PRKCB: variants seen among roughly 807,000 people sequenced by gnomAD.
PRKCB encodes protein kinase C beta.
In PRKCB, 13 loss-of-function variants were observed where a neutral mutation model predicts 81.5. The observed-to-expected ratio is 0.16, with a 90% CI of 0.10 to 0.25. The LOEUF (loss-of-function observed/expected upper bound fraction) is 0.25, where lower values mean the gene tolerates loss of function less well. Ranked by LOEUF, PRKCB falls within the 10% of genes least tolerant of loss-of-function variation. PRKCB has a pLI of 1.00. For synonymous variants in PRKCB, 335 were observed against 321.4 expected (o/e 1.04, Z -0.45); for missense variants, 509 against 875.7 (o/e 0.58, Z 5.29).
chr16:24,046,175 C>G (rs1965762030), intron 5 of PRKCB, among the ~76,000 whole-genome samples: 1 of 152,256 alleles, frequency 6.6e-6, no homozygotes, highest in African/African-American at 2.4e-5. Flanking sequence ...TCATTAGCCT[C>G]TGTGTTGCTT....
At chr16:23,904,667 G>GAAC (rs751391052) in intron 2 of PRKCB, among the ~76,000 whole-genome samples, 43 of 152,004 alleles carry the variant, frequency 2.8e-4, no homozygotes, top group Non-Finnish European at 4.1e-4. Context: ...CATCTCAAAA[G>GAAC]AACAACAACA....
chr16:24,110,008 G>A (rs1300243645), intron 7 of PRKCB, among the ~76,000 whole-genome samples: 1 of 135,332 alleles, frequency 7.4e-6, no homozygotes, highest in Non-Finnish European at 1.5e-5. Context: ...AGTCAGGAGA[G>A]TCAGGCAGGG....
chr16:24,036,836 A>G (rs1401732376), intron 5 of PRKCB, among the ~76,000 whole-genome samples: 5 of 152,136 alleles, frequency 3.3e-5, no homozygotes, highest in African/African-American at 4.8e-5. Flanking sequence ...GGTGAGACAA[A>G]TATGAGACTC....
chr16:23,880,044 G>C (rs559124213), intron 2 of PRKCB, among the ~76,000 whole-genome samples: 26 of 152,296 alleles, frequency 1.7e-4, no homozygotes, highest in African/African-American at 5.1e-4. Flanking sequence ...TGGTACACAA[G>C]ACATGCTCTG....
chr16:24,191,195 C>A lies in PRKCB; in HGVS notation c.1828C>A (p.Arg610Ser). The change falls in exon 16 of 17, where the codon CGC becomes AGC. Residue 610 changes from arginine (R) to serine (S), a missense_variant. Around this residue, in one of 6 missense-constraint regions of PRKCB, gnomAD observed 104 missense variants for 160.5 expected, o/e 0.65. Transcript: ENST00000643927. ...FRYIDWEKLE[R>S]KEIQPPYKPK... Reference sequence around the variant, plus strand: ...GTATATTGATTGGGAGAAACTTGAACGCAAAGAGATCCAGCCCCCTTATAA... The same window carrying A: ...GTATATTGATTGGGAGAAACTTGAAAGCAAAGAGATCCAGCCCCCTTATAA... 1 of 1,614,060 alleles carries A rather than the reference C, an allele frequency of 6.2e-7. No individual in the cohort carries two copies. The highest frequency in any genetic ancestry group is 1.3e-5 in the African/African-American group (1 of 75,014).
At position 24,219,624 on chromosome 16, in the gene PRKCB, C is replaced by A. The variant is rs974692977; in HGVS notation, c.*4808C>A. The A allele has an allele frequency of 3.8e-6, 4 of 1,050,298 alleles. No homozygotes were observed. The highest frequency in any genetic ancestry group is 3.4e-5 in the African/African-American group (2 of 58,852). 65.1% of individuals were successfully genotyped at this position (1,050,298 alleles called of 1,614,324 possible). A position where few individuals can be genotyped will look rare whatever the true frequency, so the allele number is the denominator to read the frequency against. On this transcript the variant is annotated 3_prime_UTR_variant, in exon 17 of 17. Coordinates refer to ENST00000643927, the MANE Select transcript of PRKCB (RefSeq NM_002738.7). ...GCATGGTAATAAGTAGCTTCCAATT[C>A]AATTCATCCTAAAGCCAAAGAAAAT...
At chr16:24,074,272 G>C (rs774231042) in intron 5 of PRKCB, among the ~76,000 whole-genome samples, 2 of 152,164 alleles carry the variant, frequency 1.3e-5, no homozygotes, top group Non-Finnish European at 2.9e-5. Context: ...TGGATCTTCC[G>C]AGGCACTGTG....
At chr16:24,145,080 G>A (rs967053907) in intron 9 of PRKCB, among the ~76,000 whole-genome samples, 8 of 152,286 alleles carry the variant, frequency 5.3e-5, no homozygotes, top group African/African-American at 1.9e-4. Context: ...TGGTGACAGG[G>A]TCACATTGGA....
chr16:23,865,853 G>C (rs1962779778), intron 2 of PRKCB, among the ~76,000 whole-genome samples: 1 of 151,836 alleles, frequency 6.6e-6, no homozygotes, highest in Non-Finnish European at 1.5e-5. Context: ...GCCCAGAAGA[G>C]GGAGGCCTCT....
At chr16:23,858,293 A>T (rs1162475206) in intron 2 of PRKCB, among the ~76,000 whole-genome samples, 1 of 135,956 alleles carries the variant, frequency 7.4e-6, no homozygotes, top group East Asian at 2.3e-4. Context: ...GATTGAATTC[A>T]GGTCCATTCG....
chr16:24,118,797 G>C (rs1178643253), intron 8 of PRKCB, among the ~76,000 whole-genome samples: 2 of 152,150 alleles, frequency 1.3e-5, no homozygotes, highest in Non-Finnish European at 2.9e-5. Flanking sequence ...TTTAATTTGT[G>C]CCTCAATTTT....
chr16:24,151,574 G>T (rs566378514), intron 9 of PRKCB: 47 of 317,202 alleles, frequency 1.5e-4, no homozygotes, highest in Non-Finnish European at 2.7e-4. Flanking sequence ...GGCCGATTTG[G>T]TCTGAATGGA....
At chr16:24,185,864 C>G (rs1211242524) in intron 15 of PRKCB, among the ~76,000 whole-genome samples, 2 of 152,228 alleles carry the variant, frequency 1.3e-5, no homozygotes, top group African/African-American at 4.8e-5. Flanking sequence ...GTAGAAAGCA[C>G]AGAGATTTTG....
At chr16:24,112,033 A>T (rs1328236235) in intron 7 of PRKCB, among the ~76,000 whole-genome samples, 1 of 152,226 alleles carries the variant, frequency 6.6e-6, no homozygotes, top group South Asian at 2.1e-4. Context: ...GCACCCAGAC[A>T]TGGTTTGACT....
intron 5 of PRKCB, among the ~76,000 whole-genome samples, chr16:24,074,614 T>C (rs1966155488): frequency 1.3e-5 from 2 of 152,318 alleles, no homozygotes; most frequent in Middle Eastern, 6.8e-3. Context: ...GAACATGTAT[T>C]TAAAATCAGT....
At chr16:24,170,949 C>A (rs1207879409) in intron 10 of PRKCB, among the ~76,000 whole-genome samples, 5 of 152,214 alleles carry the variant, frequency 3.3e-5, no homozygotes, top group Non-Finnish European at 7.3e-5. Context: ...CTGATTAGGA[C>A]ACAGATTTTT....
In PRKCB at chr16:24,059,905, A is replaced by T. The variant is rs564720753; in HGVS notation, c.529+24358A>T. On this transcript the variant is annotated intron_variant, in intron 5 of 16. Coordinates refer to ENST00000643927, the MANE Select transcript of PRKCB (RefSeq NM_002738.7). ...AGTGCTCTTTCAGTGGCATAGTAGG[A>T]GTTAAGAGGCAGGATGCCGGAAAGC... is the stretch of plus-strand genomic sequence containing the variant. Among the ~76,000 whole-genome samples, 5 of 152,222 alleles carry T rather than the reference A, an allele frequency of 3.3e-5. No homozygotes were observed. The East Asian group carries it at 9.7e-4, about 29-fold the overall frequency.
At chr16:24,144,023 T>C (rs1223935150) in intron 9 of PRKCB, among the ~76,000 whole-genome samples, 1 of 152,172 alleles carries the variant, frequency 6.6e-6, no homozygotes, top group Admixed American at 6.5e-5. Flanking sequence ...AGAAAGCTTA[T>C]TTTTCTCCTC....
At chr16:23,918,246 G>A (rs1963772378) in intron 2 of PRKCB, among the ~76,000 whole-genome samples, 1 of 152,064 alleles carries the variant, frequency 6.6e-6, no homozygotes, top group Admixed American at 6.5e-5. Context: ...TCTATGGGAA[G>A]ACATAGGAAA....
Sources: gnomAD v4.1 joint callset for allele counts (sites outside exome capture counted in the v4.1 genomes callset) on GRCh38, gnomAD v4.1.1 for gene constraint, gnomAD v4.1.1 regional missense constraint, MANE v1.5 for transcripts, NCBI Gene and HGNC (gene_info 2026-07-23, HGNC 2026-07-21) for gene names.